Variants in FSTL5 observed in about 807,000 individuals in gnomAD.
FSTL5 encodes the protein follistatin like 5.
FSTL5 carries 62 observed loss-of-function variants against 89.1 expected under a neutral mutation model. The observed-to-expected ratio is 0.70, with a 90% CI of 0.57 to 0.86. FSTL5 has a LOEUF of 0.86. Among genes scored for constraint, FSTL5 ranks in the 40% least tolerant of loss-of-function variants. The pLI is 0.00. For missense variants in FSTL5, 1,057 were observed against 1,001.6 expected, an observed-to-expected ratio of 1.06 and a Z score of -0.75; for synonymous variants, 383 against 346.2, an observed-to-expected ratio of 1.11 and a Z score of -1.18.
chr4:161,711,444 C>A (rs1738774686), intron 6 of FSTL5, among the ~76,000 whole-genome samples: 1 of 151,822 alleles, frequency 6.6e-6, no homozygotes, highest in Admixed American at 6.6e-5. Flanking sequence ...ACTTGAAATA[C>A]AGAAACAGAT....
chr4:161,877,434 A>G (rs1732481877), intron 4 of FSTL5, among the ~76,000 whole-genome samples: 1 of 151,376 alleles, frequency 6.6e-6, no homozygotes, highest in African/African-American at 2.4e-5. Flanking sequence ...TAGAAAAAAT[A>G]TTTTTACTAA....
intron 4 of FSTL5, among the ~76,000 whole-genome samples, chr4:161,882,564 C>T (rs76335436): frequency 0.044 from 6,751 of 152,030 alleles, 198 homozygotes; most frequent in Non-Finnish European, 0.069. Flanking sequence ...CATGTAGGGA[C>T]AATGTATTAT....
At chr4:161,523,951 T>C (rs146684270) in intron 10 of FSTL5, among the ~76,000 whole-genome samples, 2 of 152,316 alleles carry the variant, frequency 1.3e-5, no homozygotes, top group African/African-American at 4.8e-5. Context: ...TCCCCAACCA[T>C]CTGAATGGAC....
chr4:161,404,577 C>T (rs990573149), intron 15 of FSTL5, among the ~76,000 whole-genome samples: 11 of 151,892 alleles, frequency 7.2e-5, no homozygotes, highest in African/African-American at 7.3e-5. Flanking sequence ...TTTATTTATT[C>T]GTTGGCTTTC....
Position 162,114,110 on chromosome 4 carries a change from A to G in FSTL5, c.-16-2698T>C, listed in dbSNP as rs190016412. The stretch of plus-strand genomic sequence containing the variant: ...TCTGATAATGTTGAATGCAATTCCT[A>G]TTTCCACTGATGCTACAAAGCTTCT... On this transcript the variant is annotated intron_variant, in intron 1 of 15. Transcript: ENST00000306100. 7.9e-5 allele frequency among the ~76,000 whole-genome samples: 12 copies of G among 152,274 alleles called. 1 individual carries two copies. The highest frequency in any genetic ancestry group is 4.8e-5 in the African/African-American group (2 of 41,564).
At chr4:161,476,182 T>TTTTG (rs1553990018) in intron 13 of FSTL5, among the ~76,000 whole-genome samples, 1 of 103,754 alleles carries the variant, frequency 9.6e-6, no homozygotes, top group East Asian at 4.4e-4. Context: ...GGTTTTTTTT[T>TTTTG]TTTTTTGTTT....
intron 2 of FSTL5, among the ~76,000 whole-genome samples, chr4:162,044,593 A>C (rs1738101290): frequency 6.6e-6 from 1 of 152,174 alleles, no homozygotes; most frequent in South Asian, 2.1e-4. Flanking sequence ...TCAAGGTTTG[A>C]AGTCAGACAT....
At chr4:161,931,395 T>G (rs865973786) in intron 3 of FSTL5, among the ~76,000 whole-genome samples, 1 of 151,728 alleles carries the variant, frequency 6.6e-6, no homozygotes, top group African/African-American at 2.4e-5. Flanking sequence ...ATAGTATAAG[T>G]TGGAAAGAGA....
At chr4:162,129,363 A>G (rs1209171126) in intron 1 of FSTL5, among the ~76,000 whole-genome samples, 2 of 152,220 alleles carry the variant, frequency 1.3e-5, no homozygotes, top group East Asian at 1.9e-4. Flanking sequence ...CTTTAAAACA[A>G]TATCTCCCAG....
intron 4 of FSTL5, among the ~76,000 whole-genome samples, chr4:161,814,739 T>C (rs923397721): frequency 2.0e-5 from 3 of 152,156 alleles, no homozygotes; most frequent in African/African-American, 7.2e-5. Flanking sequence ...TAATATCTCA[T>C]ATCCTGCTGC....
intron 2 of FSTL5, among the ~76,000 whole-genome samples, chr4:162,035,862 A>C (rs551925730): frequency 3.9e-5 from 6 of 152,208 alleles, no homozygotes; most frequent in Admixed American, 1.3e-4. Flanking sequence ...AGGTTTGCTG[A>C]TACATTAAAG....
At chr4:161,453,968 A>G (rs982153625) in intron 15 of FSTL5, among the ~76,000 whole-genome samples, 1 of 152,144 alleles carries the variant, frequency 6.6e-6, no homozygotes, top group Non-Finnish European at 1.5e-5. Flanking sequence ...TAATTGATTG[A>G]CAAATATATC....
At chr4:162,155,629 G>A (rs192110719) in intron 1 of FSTL5, among the ~76,000 whole-genome samples, 247 of 152,290 alleles carry the variant, frequency 1.6e-3, no homozygotes, top group Non-Finnish European at 3.0e-3. Context: ...AACAAAAACT[G>A]CAACAACTCT....
At chr4:161,758,108 A>G (rs781592802) in intron 6 of FSTL5, among the ~76,000 whole-genome samples, 2 of 152,194 alleles carry the variant, frequency 1.3e-5, no homozygotes, top group Non-Finnish European at 2.9e-5. Context: ...AACTTTTTTC[A>G]TATATTATTT....
At chr4:161,679,086 T>C (rs899267340) in intron 6 of FSTL5, among the ~76,000 whole-genome samples, 1 of 151,700 alleles carries the variant, frequency 6.6e-6, no homozygotes, top group Admixed American at 6.6e-5. Flanking sequence ...TGATGGAGAA[T>C]TAGATTTTAA....
At chr4:161,688,567 G>T (rs940727720) in intron 6 of FSTL5, among the ~76,000 whole-genome samples, 1 of 152,154 alleles carries the variant, frequency 6.6e-6, no homozygotes, top group Non-Finnish European at 1.5e-5. Context: ...GGAATGGAAG[G>T]TTGGCAAAGA....
At position 161,386,033 on chromosome 4, in the gene FSTL5, T is replaced by C. The variant is rs370765604; in HGVS notation, c.2258A>G (p.Gln753Arg). The change falls in exon 16 of 16, where the codon CAA becomes CGA. Residue 753 changes from glutamine (Q) to arginine (R), a missense_variant. Transcript: ENST00000306100. ...AFQPSFTEAH[Q>R]YNIYGSSSTQ... The stretch of plus-strand genomic sequence containing the variant: ...GCTTGAACTACCGTAGATGTTATAT[T>C]GGTGGGCTTCAGTAAAGGATGGTTG... The C allele has an allele frequency of 9.3e-6, 15 of 1,614,058 alleles. No homozygotes were observed. The African/African-American group carries it at 1.9e-4, about 20-fold the overall frequency.
intron 3 of FSTL5, among the ~76,000 whole-genome samples, chr4:161,968,950 C>T (rs944597733): frequency 8.2e-6 from 1 of 122,252 alleles, no homozygotes; most frequent in African/African-American, 2.8e-5. Context: ...CACACACACA[C>T]ACACACACAC....
Position 161,656,988 on chromosome 4 carries a change from G to T in FSTL5, c.728-494C>A, listed in dbSNP as rs4691019. On this transcript the variant is annotated intron_variant, in intron 6 of 15. Coordinates refer to ENST00000306100, the MANE Select transcript of FSTL5 (RefSeq NM_020116.5). Reference sequence around the variant, plus strand: ...GAAGTTGAAGAAGTAAAAATCTGAAGTTCGCTGACCAAACAGCAATTAAGT... The same window carrying T: ...GAAGTTGAAGAAGTAAAAATCTGAATTTCGCTGACCAAACAGCAATTAAGT... Among the ~76,000 whole-genome samples, 915 of 152,270 alleles carry T rather than the reference G, an allele frequency of 6.0e-3. 9 individuals are homozygous for T. The highest frequency in any genetic ancestry group is 0.045 in the South Asian group (219 of 4,824).
Sources: gnomAD v4.1 joint callset for allele counts (sites outside exome capture counted in the v4.1 genomes callset) on GRCh38, gnomAD v4.1.1 for gene constraint, MANE v1.5 for transcripts, NCBI Gene and HGNC (gene_info 2026-07-23, HGNC 2026-07-21) for gene names.